The following SYT6 variants were observed in gnomAD, a reference collection of about 807,000 sequenced individuals.
SYT6 encodes the protein synaptotagmin 6.
Under a neutral mutation model 38.4 loss-of-function variants are expected in SYT6, and 24 were observed. The ratio of observed to expected loss-of-function variants is 0.62; its 90% CI spans 0.45 to 0.88. The LOEUF (loss-of-function observed/expected upper bound fraction) is 0.88, where lower values mean the gene tolerates loss of function less well. SYT6 is among the 40% of genes least tolerant of loss of function. SYT6 has a pLI of 0.00. For synonymous variants in SYT6, 265 were observed against 241.9 expected (o/e 1.10, Z -0.89); for missense variants, 611 against 621.0 (o/e 0.98, Z 0.17).
At chr1:114,126,774 C>T (rs750265060) in intron 3 of SYT6, among the ~76,000 whole-genome samples, 38 of 152,208 alleles carry the variant, frequency 2.5e-4, no homozygotes, top group Admixed American at 1.4e-3. Flanking sequence ...GGGGCAGGTT[C>T]GGCTTGCCCA....
chr1:114,117,437 G>A (rs1253553727), intron 3 of SYT6, among the ~76,000 whole-genome samples: 2 of 152,260 alleles, frequency 1.3e-5, no homozygotes, highest in Admixed American at 6.5e-5. Flanking sequence ...TGAGGGGCCA[G>A]GTGTGCCCCA....
At chr1:114,095,264 G>A (rs1251697883) in intron 6 of SYT6, among the ~76,000 whole-genome samples, 1 of 152,174 alleles carries the variant, frequency 6.6e-6, no homozygotes, top group African/African-American at 2.4e-5. Flanking sequence ...TCAAGGGCTT[G>A]ATTCTATTTT....
chr1:114,143,023 G>A (rs1161585818), intron 1 of SYT6, among the ~76,000 whole-genome samples: 1 of 151,612 alleles, frequency 6.6e-6, no homozygotes, highest in Non-Finnish European at 1.5e-5. Flanking sequence ...TGATGGATCT[G>A]GGCAAAGTAA....
chr1:114,153,816 C>G lies in SYT6; in HGVS notation c.-44G>C. ...TGCCGAGCAGCAGCTCGAACCCGCGCCCCGGCCGCACTGGGGCGGGGCACG... is the reference window on the plus strand; with the variant it reads ...TGCCGAGCAGCAGCTCGAACCCGCGGCCCGGCCGCACTGGGGCGGGGCACG... On this transcript the variant is annotated 5_prime_UTR_variant, in exon 1 of 8. Coordinates refer to ENST00000610222, the MANE Select transcript of SYT6 (RefSeq NM_001253772.2). 1.7e-6 allele frequency: 1 copy of G among 602,904 alleles called. No individual in the cohort carries two copies. The highest frequency in any genetic ancestry group is 2.9e-6 in the Non-Finnish European group (1 of 345,336). 37.3% of individuals were successfully genotyped at this position (602,904 alleles called of 1,614,324 possible). A position where few individuals can be genotyped will look rare whatever the true frequency, so the allele number is the denominator to read the frequency against.
intron 1 of SYT6, among the ~76,000 whole-genome samples, chr1:114,142,768 C>T (rs12037586): frequency 2.0e-5 from 3 of 152,142 alleles, no homozygotes; most frequent in African/African-American, 4.8e-5. Context: ...CCATCAACAT[C>T]GAAGCAAGAC....
At chr1:114,120,131 A>G (rs1006632667) in intron 3 of SYT6, among the ~76,000 whole-genome samples, 11 of 151,968 alleles carry the variant, frequency 7.2e-5, no homozygotes, top group African/African-American at 2.4e-4. Context: ...CAAATTTGTG[A>G]GCTAGGTTTT....
intron 4 of SYT6, among the ~76,000 whole-genome samples, chr1:114,099,687 T>G (rs1026758094): frequency 2.0e-5 from 3 of 152,158 alleles, no homozygotes; most frequent in Non-Finnish European, 4.4e-5. Context: ...GCTTTTTTGT[T>G]TTACCAGAAT....
chr1:114,134,217 C>T (rs567401241), intron 3 of SYT6, among the ~76,000 whole-genome samples: 6 of 152,316 alleles, frequency 3.9e-5, no homozygotes, highest in African/African-American at 1.2e-4. Flanking sequence ...ATCCCATTCA[C>T]CTCTGAACAC....
In SYT6 at chr1:114,097,743, T is replaced by C; in HGVS notation, c.1499A>G (p.Lys500Arg). ...IAHWHSLVEV[K>R]KSFKEGNPRL Reference sequence around the variant, plus strand: ...CTCACCCACCTCTTTGAAGGATTTCTTTACCTCCACCAAGGAGTGCCAGTG... The same window carrying C: ...CTCACCCACCTCTTTGAAGGATTTCCTTACCTCCACCAAGGAGTGCCAGTG... The change falls in exon 6 of 8, where the codon AAG (lysine) becomes AGG (arginine). Residue 500 changes from lysine (K) to arginine (R), a missense_variant. Transcript: ENST00000610222. The C allele has an allele frequency of 1.2e-6, 2 of 1,614,152 alleles. No homozygotes were observed. The highest frequency in any genetic ancestry group is 1.7e-4 in the Middle Eastern group (1 of 6,058).
intron 1 of SYT6, among the ~76,000 whole-genome samples, chr1:114,148,650 A>G (rs1679277293): frequency 6.6e-6 from 1 of 152,120 alleles, no homozygotes; most frequent in South Asian, 2.1e-4. Context: ...AGAACCACTC[A>G]TAAAATACTA....
intron 4 of SYT6, 94 bp downstream of exon 4, chr1:114,103,507 A>G (rs1676086330): frequency 6.5e-7 from 1 of 1,539,282 alleles, no homozygotes; most frequent in Non-Finnish European, 8.8e-7. Context: ...CTTCTATTCT[A>G]AGAATGCTGA....
At chr1:114,123,447 G>A (rs534739) in intron 3 of SYT6, among the ~76,000 whole-genome samples, 117,499 of 152,072 alleles carry the variant, frequency 0.77, 46,261 homozygotes, top group African/African-American at 0.94. Flanking sequence ...GTGGCTCAAG[G>A]GGCTGTCCTC....
Position 114,129,538 on chromosome 1 carries a change from CTTTT to C in SYT6, c.1071+7953_1071+7956del, listed in dbSNP as rs1365881859. Among the ~76,000 whole-genome samples the C allele has an allele frequency of 2.9e-4, 44 of 149,672 alleles. 1 individual carries two copies. In the East Asian group the frequency reaches 8.5e-3, roughly 29 times the overall value. ...TCTTTGTTTTTCTCTTTCTTTCTTT[CTTTT>C]TTTTCTGTCTTTTTTTCTTTCTTTT... is the stretch of plus-strand genomic sequence containing the variant. On this transcript the variant is annotated intron_variant, in intron 3 of 7. Transcript: ENST00000610222.
intron 1 of SYT6, among the ~76,000 whole-genome samples, chr1:114,144,414 C>T (rs974225092): frequency 6.6e-6 from 1 of 152,202 alleles, no homozygotes; most frequent in Non-Finnish European, 1.5e-5. Flanking sequence ...TGCTTGGAGT[C>T]ACAGGTTGGT....
intron 3 of SYT6, among the ~76,000 whole-genome samples, chr1:114,111,847 G>A (rs1676702295): frequency 6.6e-6 from 1 of 150,798 alleles, no homozygotes; most frequent in South Asian, 2.1e-4. Flanking sequence ...TGGGAGAGAG[G>A]AGCTGTGGGA....
chr1:114,106,794 TC>T (rs1349232748), intron 3 of SYT6, among the ~76,000 whole-genome samples: 3 of 152,042 alleles, frequency 2.0e-5, no homozygotes, highest in African/African-American at 7.2e-5. Flanking sequence ...CTTCCTGTCC[TC>T]GAACAGCTCA....
intron 6 of SYT6, among the ~76,000 whole-genome samples, chr1:114,094,991 G>A (rs577307278): frequency 2.6e-5 from 4 of 152,168 alleles, no homozygotes; most frequent in Non-Finnish European, 4.4e-5. Flanking sequence ...AACTGTGGGC[G>A]CTAAATGTGT....
At chr1:114,101,647 C>T (rs531269713) in intron 4 of SYT6, among the ~76,000 whole-genome samples, 1 of 152,278 alleles carries the variant, frequency 6.6e-6, no homozygotes, top group South Asian at 2.1e-4. Flanking sequence ...AATTAATAAG[C>T]TCCATTCAAT....
At chr1:114,119,896 GCTGT>G (rs1475123279) in intron 3 of SYT6, among the ~76,000 whole-genome samples, 1 of 151,930 alleles carries the variant, frequency 6.6e-6, no homozygotes, top group Non-Finnish European at 1.5e-5. Flanking sequence ...ACAGTGGAAC[GCTGT>G]CTCTACTAAA....
Sources: gnomAD v4.1 joint callset for allele counts (sites outside exome capture counted in the v4.1 genomes callset) on GRCh38, gnomAD v4.1.1 for gene constraint, MANE v1.5 for transcripts, NCBI Gene and HGNC (gene_info 2026-07-23, HGNC 2026-07-21) for gene names.